The following SLC5A5 variants were observed in gnomAD, a reference collection of about 807,000 sequenced individuals.
The protein encoded by SLC5A5 is solute carrier family 5 member 5.
SLC5A5 carries 56 observed loss-of-function variants against 68.6 expected under a neutral mutation model. That is an observed-to-expected ratio of 0.82 (90% CI 0.66 to 1.02). SLC5A5 has a LOEUF of 1.02. SLC5A5 is among the 50% of genes least tolerant of loss of function. The pLI, the probability that SLC5A5 is intolerant of heterozygous loss-of-function variation, is 0.00. For synonymous variants in SLC5A5, 398 were observed against 373.0 expected, an observed-to-expected ratio of 1.07 and a Z score of -0.77; for missense variants, 807 against 859.8, an observed-to-expected ratio of 0.94 and a Z score of 0.77.
At chr19:17,872,881 G>T (rs2094297802) in intron 1 of SLC5A5, among the ~76,000 whole-genome samples, 1 of 152,208 alleles carries the variant, frequency 6.6e-6, no homozygotes. Flanking sequence ...GAAGGAGGAA[G>T]AGAGAGCCTG....
intron 2 of SLC5A5, 139 bp from the exon 3 acceptor site, chr19:17,874,355 G>C (rs1433305568): frequency 4.5e-6 from 3 of 664,660 alleles, no homozygotes; most frequent in Non-Finnish European, 7.2e-6. Flanking sequence ...CACCACAGCC[G>C]GCCTGACCCC....
intron 14 of SLC5A5, among the ~76,000 whole-genome samples, chr19:17,891,351 G>T (rs759025585): frequency 5.3e-5 from 8 of 151,928 alleles, no homozygotes; most frequent in African/African-American, 1.7e-4. Context: ...TACTACAGGC[G>T]CATGCCACCG....
intron 10 of SLC5A5, among the ~76,000 whole-genome samples, 198 bp from the exon 11 acceptor site, chr19:17,883,483 G>C (rs1319850794): frequency 6.6e-6 from 1 of 150,840 alleles, no homozygotes; most frequent in Non-Finnish European, 1.5e-5. Flanking sequence ...GAGATAATCA[G>C]TGTCTTTGCC....
chr19:17,893,658 G>T (rs1599938619), intron 14 of SLC5A5, 55 bp from the exon 15 acceptor site: 1 of 1,576,878 alleles, frequency 6.3e-7, no homozygotes, highest in African/African-American at 1.3e-5. Flanking sequence ...AGCTGACACG[G>T]AACAGGGTGG....
chr19:17,874,616 G>A (rs1388926822), intron 3 of SLC5A5, 48 bp from the exon 4 acceptor site: 8 of 1,613,230 alleles, frequency 5.0e-6, no homozygotes, highest in Admixed American at 1.7e-5. Flanking sequence ...CCAAGACTAA[G>A]TTTGCGCCCC....
At chr19:17,884,270 A>G (rs2147745343) in intron 12 of SLC5A5, among the ~76,000 whole-genome samples, 1 of 152,222 alleles carries the variant, frequency 6.6e-6, no homozygotes, top group African/African-American at 2.4e-5. Context: ...GGTGGGAGAT[A>G]TGGTGCAGCC....
In SLC5A5 at chr19:17,883,944, T is replaced by C. The variant is rs1216340135; in HGVS notation, c.1424T>C (p.Val475Ala). Residue 475 changes from valine (V) to alanine (A), a missense_variant, in exon 12 of 15, where the codon GTC (valine) becomes GCC (alanine). Physicochemically the swap from Val to Ala is moderately conservative, Grantham distance 64. Coordinates refer to ENST00000222248, the MANE Select transcript of SLC5A5 (RefSeq NM_000453.3). ...LYPPSEQTMR[V>A]LPSSAARCVA... ...CCACCCAGCGAGCAGACCATGAGGG[T>C]CCTGCCATCGTCGGCTGCCCGCTGC... The C allele has an allele frequency of 1.3e-6, 2 of 1,563,134 alleles. No individual in the cohort carries two copies. Among genetic ancestry groups the C allele is most frequent in the Admixed American group, 3.8e-5 (2 of 52,088 alleles).
chr19:17,872,028 GAC>G lies in SLC5A5; in HGVS notation c.-290_-289del, dbSNP rs1244894859. The G allele has an allele frequency of 2.1e-6, 1 of 470,486 alleles. No homozygotes were observed. The highest frequency in any genetic ancestry group is 3.8e-6 in the Non-Finnish European group (1 of 261,462). The allele number at this position is 470,486 out of a possible 1,614,324, so 29.1% of individuals were successfully genotyped here. A position where few individuals can be genotyped will look rare whatever the true frequency, so the allele number is the denominator to read the frequency against. On this transcript the variant is annotated 5_prime_UTR_variant, in exon 1 of 15. An upstream open reading frame in the 5' UTR loses its in-frame stop. Transcript: ENST00000222248. ...GAGGGACAGACAGCCGGCTGCATGG[GAC>G]AGCGGAACCCAGAGTGAGAGGGGAG... is the stretch of plus-strand genomic sequence containing the variant.
chr19:17,874,298 G>GC, intron 2 of SLC5A5, 95 bp downstream of exon 2: 2 of 192,488 alleles, frequency 1.0e-5, no homozygotes, highest in South Asian at 1.1e-4. Flanking sequence ...CCCAGACCCC[G>GC]CCCCCCATGC....
At chr19:17,883,281 C>T (rs2147743161) in intron 10 of SLC5A5, among the ~76,000 whole-genome samples, 1 of 147,356 alleles carries the variant, frequency 6.8e-6, no homozygotes, top group African/African-American at 2.5e-5. Context: ...GACTTTTTTG[C>T]AGCTGGCTGG....
chr19:17,891,897 C>T (rs899695245), intron 14 of SLC5A5, among the ~76,000 whole-genome samples: 11 of 152,136 alleles, frequency 7.2e-5, no homozygotes, highest in African/African-American at 2.4e-4. Flanking sequence ...GGGCTATGGT[C>T]TAAGACCCCC....
chr19:17,882,200 T>C lies in SLC5A5; in HGVS notation c.1223T>C (p.Leu408Pro). ...CLTVAALSSLLGGGVLQGSFT... is the reference protein window; with the variant it reads ...CLTVAALSSLPGGGVLQGSFT... ...ACCGTGGCAGCCCTGTCCTCACTGCTCGGAGGAGGTGTCCTTCAGGTGAGA... is the reference window on the plus strand; with the variant it reads ...ACCGTGGCAGCCCTGTCCTCACTGCCCGGAGGAGGTGTCCTTCAGGTGAGA... The change falls in exon 10 of 15, where the codon CTC (leucine) becomes CCC (proline). Residue 408 changes from leucine (L) to proline (P), a missense_variant. Coordinates refer to ENST00000222248, the MANE Select transcript of SLC5A5 (RefSeq NM_000453.3). 6.2e-7 allele frequency: 1 copy of C among 1,613,850 alleles called. No homozygotes were observed.
In SLC5A5 at chr19:17,874,546, G is replaced by A; in HGVS notation, c.475+1G>A. ...GCACCGGCCCTCATCCTGAACCAAG[G>A]TGTGACTCTGGGAGATTAGGGAAGC... On this transcript the variant is annotated splice_donor_variant, in intron 3 of 14. Coordinates refer to ENST00000222248, the MANE Select transcript of SLC5A5 (RefSeq NM_000453.3). LOFTEE classifies it high-confidence loss of function. The A allele has an allele frequency of 6.2e-7, 1 of 1,613,856 alleles. No individual in the cohort carries two copies. Among genetic ancestry groups the A allele is most frequent in the South Asian group, 1.1e-5 (1 of 91,070 alleles).
chr19:17,883,939 G>A lies in SLC5A5; in HGVS notation c.1419G>A (p.Met473Ile), dbSNP rs1267689937. 4 of 1,563,844 alleles carry A rather than the reference G, an allele frequency of 2.6e-6. No homozygotes were observed. Among genetic ancestry groups the A allele is most frequent in the Non-Finnish European group, 3.5e-6 (4 of 1,155,586 alleles). Residue 473 changes from methionine to isoleucine, a missense_variant, in exon 12 of 15, where the codon ATG becomes ATA. Met to Ile is a conservative substitution (Grantham distance 10). Transcript: ENST00000222248. ...ATLYPPSEQT[M>I]RVLPSSAARC... Reference sequence around the variant, plus strand: ...TGTACCCACCCAGCGAGCAGACCATGAGGGTCCTGCCATCGTCGGCTGCCC... The same window carrying A: ...TGTACCCACCCAGCGAGCAGACCATAAGGGTCCTGCCATCGTCGGCTGCCC...
chr19:17,884,340 C>T (rs1187541237), intron 12 of SLC5A5, among the ~76,000 whole-genome samples: 1 of 152,080 alleles, frequency 6.6e-6, no homozygotes, highest in Admixed American at 6.6e-5. Flanking sequence ...CTCTGTGGTC[C>T]AGGCTGGAAT....
chr19:17,880,683 A>G (rs545537974), intron 7 of SLC5A5, among the ~76,000 whole-genome samples, 182 bp from the exon 8 acceptor site: 2 of 151,776 alleles, frequency 1.3e-5, no homozygotes, highest in Admixed American at 6.6e-5. Flanking sequence ...GCAACAGAGC[A>G]AGATCTTTTC....
In SLC5A5 at chr19:17,874,164, A is replaced by T; in HGVS notation, c.384A>T (p.Ala128=). 1 of 1,612,374 alleles carries T rather than the reference A, an allele frequency of 6.2e-7. No individual in the cohort carries two copies. The highest frequency in any genetic ancestry group is 8.5e-7 in the Non-Finnish European group (1 of 1,178,874). The stretch of plus-strand genomic sequence containing the variant: ...ACCTGGAGATGCGCTTCAGCCGCGC[A>T]GTGCGGCTCTGCGGGACTTTGCAGT... ...YEYLEMRFSR[A]VRLCGTLQYI... is the part of the protein sequence containing the mutation. Residue 128 remains alanine, a synonymous_variant, in exon 2 of 15, where the codon GCA becomes GCT. Transcript: ENST00000222248.
In SLC5A5 at chr19:17,890,227, C is replaced by T. The variant is rs537161715; in HGVS notation, c.1652-659C>T. ...CTGGGATTACAAGCGCCCACCCCCACGCCTGGCTAATTTTTGTATTTTTAG... is the reference window on the plus strand; with the variant it reads ...CTGGGATTACAAGCGCCCACCCCCATGCCTGGCTAATTTTTGTATTTTTAG... On this transcript the variant is annotated intron_variant, in intron 13 of 14. Transcript: ENST00000222248. 3.9e-5 allele frequency among the ~76,000 whole-genome samples: 6 copies of T among 152,014 alleles called. No homozygotes were observed. In the East Asian group the frequency reaches 7.7e-4, roughly 20 times the overall value.
At chr19:17,873,338 G>A (rs1458476931) in intron 1 of SLC5A5, among the ~76,000 whole-genome samples, 1 of 152,064 alleles carries the variant, frequency 6.6e-6, no homozygotes, top group Non-Finnish European at 1.5e-5. Context: ...GTGGGCACCT[G>A]TAATCCCAGC....
Sources: gnomAD v4.1 joint callset for allele counts (sites outside exome capture counted in the v4.1 genomes callset) on GRCh38, gnomAD v4.1.1 for gene constraint, MANE v1.5 for transcripts, NCBI Gene and HGNC (gene_info 2026-07-23, HGNC 2026-07-21) for gene names.